Variants in SFMBT2 observed in about 807,000 individuals in gnomAD.
SFMBT2 encodes Scm like with four mbt domains 2.
In SFMBT2, 38 loss-of-function variants were observed where a neutral mutation model predicts 110.1. The observed-to-expected ratio is 0.35, with a 90% confidence interval of 0.27 to 0.45. SFMBT2 has a LOEUF of 0.45. Among genes scored for constraint, SFMBT2 ranks in the 20% least tolerant of loss-of-function variants. The pLI is 1.00. For synonymous variants in SFMBT2, 425 were observed against 425.4 expected (o/e 1.00, Z 0.01); for missense variants, 1,011 against 1,094.9 (o/e 0.92, Z 1.08).
intron 4 of SFMBT2, among the ~76,000 whole-genome samples, chr10:7,324,058 T>C (rs1843294766): frequency 6.6e-6 from 1 of 152,266 alleles, no homozygotes; most frequent in African/African-American, 2.4e-5. Flanking sequence ...GTGAATATAG[T>C]AGGACTCTAT....
chr10:7,271,839 T>C (rs1470181987), intron 7 of SFMBT2, among the ~76,000 whole-genome samples: 1 of 152,098 alleles, frequency 6.6e-6, no homozygotes, highest in Non-Finnish European at 1.5e-5. Context: ...ACTCCCATTT[T>C]TAAAACCATC....
chr10:7,279,647 T>C (rs1175365181), intron 6 of SFMBT2, among the ~76,000 whole-genome samples: 1 of 152,176 alleles, frequency 6.6e-6, no homozygotes, highest in Non-Finnish European at 1.5e-5. Context: ...CCAGTTTCTG[T>C]TTCTGGGAAG....
At chr10:7,226,828 T>C (rs973526843) in intron 10 of SFMBT2, among the ~76,000 whole-genome samples, 5 of 152,312 alleles carry the variant, frequency 3.3e-5, no homozygotes, top group South Asian at 4.1e-4. Context: ...GGCTATGTGG[T>C]ATAAGCTATA....
At chr10:7,411,065 C>CTTTTTT (rs766788794), upstream of SFMBT2, among the ~76,000 whole-genome samples, 327 of 53,906 alleles carry the variant, frequency 6.1e-3, 31 homozygotes, top group African/African-American at 0.028. Context: ...GCTCGGCGCT[C>CTTTTTT]TTTTTTTTTT....
At chr10:7,394,316 C>T (rs189661325) in intron 1 of SFMBT2, among the ~76,000 whole-genome samples, 2 of 152,018 alleles carry the variant, frequency 1.3e-5, no homozygotes, top group South Asian at 2.1e-4. Flanking sequence ...GCCTGTGCGT[C>T]GATGCCCACC....
At chr10:7,253,201 C>T (rs1457007797) in intron 7 of SFMBT2, among the ~76,000 whole-genome samples, 1 of 152,154 alleles carries the variant, frequency 6.6e-6, no homozygotes, top group Non-Finnish European at 1.5e-5. Flanking sequence ...CATTTGCATC[C>T]TGTATGGTAC....
Position 7,285,849 on chromosome 10 carries a change from A to G in SFMBT2, c.525+17T>C. ...GGTGCTTCAGAGATACATTAGATGTATAACAACAATACATACACCTTCCAG... is the reference window on the plus strand; with the variant it reads ...GGTGCTTCAGAGATACATTAGATGTGTAACAACAATACATACACCTTCCAG... On this transcript the variant is annotated intron_variant, in intron 5 of 20. Transcript: ENST00000397167. 1.1e-6 allele frequency: 1 copy of G among 871,594 alleles called. No homozygotes were observed. The highest frequency in any genetic ancestry group is 2.0e-6 in the Non-Finnish European group (1 of 500,542). 54.0% of individuals were successfully genotyped at this position (871,594 alleles called of 1,614,324 possible).
At chr10:7,167,427 G>A (rs906572861) in intron 20 of SFMBT2, among the ~76,000 whole-genome samples, 1 of 152,156 alleles carries the variant, frequency 6.6e-6, no homozygotes. Flanking sequence ...GTCATGGGGA[G>A]TTCAGAATTT....
At chr10:7,330,553 T>C (rs916307563) in intron 4 of SFMBT2, among the ~76,000 whole-genome samples, 1 of 152,122 alleles carries the variant, frequency 6.6e-6, no homozygotes, top group Non-Finnish European at 1.5e-5. Flanking sequence ...TTGCATCACT[T>C]GGGAAGGACA....
In SFMBT2 at chr10:7,385,122, G is replaced by C. The variant is rs1421263088; in HGVS notation, c.-51-3173C>G. Among the ~76,000 whole-genome samples the C allele has an allele frequency of 2.6e-5, 4 of 152,172 alleles. No individual in the cohort carries two copies. In the South Asian group the frequency reaches 8.3e-4, roughly 32 times the overall value. On this transcript the variant is annotated intron_variant, in intron 1 of 20. Transcript: ENST00000397167. ...GAGGCACTCTGTAAACAAACTACTT[G>C]TTGATAAGCAAGTGTGTCCATCCAA... is the stretch of plus-strand genomic sequence containing the variant.
intron 7 of SFMBT2, among the ~76,000 whole-genome samples, chr10:7,271,985 A>G (rs1449302157): frequency 6.6e-6 from 1 of 152,202 alleles, no homozygotes; most frequent in Non-Finnish European, 1.5e-5. Context: ...TTGGGTGGGG[A>G]CACAGAGCCA....
chr10:7,304,864 A>T (rs1181717067), intron 4 of SFMBT2, among the ~76,000 whole-genome samples: 1 of 152,192 alleles, frequency 6.6e-6, no homozygotes, highest in Non-Finnish European at 1.5e-5. Context: ...CCTAAAGGAG[A>T]CAGCTCTCCA....
At chr10:7,233,931 C>G (rs1329560917) in intron 9 of SFMBT2, among the ~76,000 whole-genome samples, 1 of 152,236 alleles carries the variant, frequency 6.6e-6, no homozygotes, top group African/African-American at 2.4e-5. Context: ...CAGAAAACAA[C>G]TTTCTCAACA....
chr10:7,334,832 A>G (rs1843668727), intron 4 of SFMBT2, among the ~76,000 whole-genome samples: 1 of 152,212 alleles, frequency 6.6e-6, no homozygotes, highest in Admixed American at 6.5e-5. Context: ...TGAGGCCTGC[A>G]CTGCATCAGA....
chr10:7,239,068 A>AT (rs569442265), intron 9 of SFMBT2, among the ~76,000 whole-genome samples: 4 of 150,930 alleles, frequency 2.7e-5, no homozygotes, highest in South Asian at 2.1e-4. Context: ...GTGAGGACAA[A>AT]TTTTTTTTTT....
intron 9 of SFMBT2, among the ~76,000 whole-genome samples, chr10:7,233,417 T>G (rs532642429): frequency 2.0e-5 from 3 of 152,254 alleles, no homozygotes; most frequent in Admixed American, 1.3e-4. Flanking sequence ...GCTCTGAAGA[T>G]CTCACTACTG....
chr10:7,386,598 A>G (rs1205186230), intron 1 of SFMBT2, among the ~76,000 whole-genome samples: 1 of 152,132 alleles, frequency 6.6e-6, no homozygotes, highest in Non-Finnish European at 1.5e-5. Flanking sequence ...TCGGAGCAAA[A>G]AAAAAAATTC....
chr10:7,370,165 C>G, intron 3 of SFMBT2, 116 bp downstream of exon 3: 5 of 864,290 alleles, frequency 5.8e-6, no homozygotes, highest in Non-Finnish European at 9.3e-6. Context: ...CCATGCCTGG[C>G]CACGAATTTC....
rs1005739529 is a variant in SFMBT2 at position 7,408,630 on chromosome 10, G to A, written c.-52+2231C>T. The stretch of plus-strand genomic sequence containing the variant: ...CCACGAGGTCCCTCGGGCAGGAACC[G>A]CCGCGCGACCTCTGTTCAGCGGCCG... On this transcript the variant is annotated intron_variant, in intron 1 of 20. Transcript: ENST00000397167. The surrounding 1 kb of genome is among the most constrained non-coding windows in gnomAD (Gnocchi z 5.7). The A allele has an allele frequency of 3.3e-5, 5 of 151,886 alleles. No homozygotes were observed. The highest frequency in any genetic ancestry group is 3.9e-4 in the East Asian group (2 of 5,110). 9.4% of individuals were successfully genotyped at this position (151,886 alleles called of 1,614,324 possible).
Sources: allele counts gnomAD v4.1 joint callset (sites outside exome capture counted in the v4.1 genomes callset), GRCh38; gene constraint gnomAD v4.1.1; non-coding constraint Gnocchi (gnomAD v3.1); transcripts MANE v1.5; gene names NCBI Gene and HGNC (gene_info 2026-07-23, HGNC 2026-07-21).